The following MS4A4A variants were observed in gnomAD, a reference collection of about 807,000 sequenced individuals.
MS4A4A encodes the protein membrane spanning 4-domains A4A.
MS4A4A carries 26 observed loss-of-function variants against 28.0 expected under a neutral mutation model. The ratio of observed to expected loss-of-function variants is 0.93; its 90% CI spans 0.68 to 1.29. The LOEUF (loss-of-function observed/expected upper bound fraction) is 1.29. Ranked by LOEUF, MS4A4A falls within the 50% of genes most tolerant of loss-of-function variation. The pLI, the probability that MS4A4A is intolerant of heterozygous loss-of-function variation, is 0.00. For synonymous variants in MS4A4A, 86 were observed against 100.8 expected (o/e 0.85, Z 0.88); for missense variants, 290 against 293.1 (o/e 0.99, Z 0.08).
At chr11:60,289,263 C>T (rs905575194) in intron 1 of MS4A4A, among the ~76,000 whole-genome samples, 1 of 152,124 alleles carries the variant, frequency 6.6e-6, no homozygotes, top group Non-Finnish European at 1.5e-5. Context: ...CAGGTAGCTC[C>T]ATCAGCTGAG....
At chr11:60,299,003 T>C (rs2084928168) in intron 3 of MS4A4A, among the ~76,000 whole-genome samples, 2 of 152,230 alleles carry the variant, frequency 1.3e-5, no homozygotes, top group South Asian at 2.1e-4. Flanking sequence ...TGTTTCTGTA[T>C]ATGTTTCACA....
chr11:60,292,115 G>C (rs1010094452), intron 1 of MS4A4A, 110 bp from the exon 2 acceptor site: 1 of 1,306,138 alleles, frequency 7.7e-7, no homozygotes, highest in Non-Finnish European at 1.0e-6. Flanking sequence ...TTATGATATG[G>C]GAAGAGAATG....
At chr11:60,299,397 A>G (rs1366448321) in intron 3 of MS4A4A, among the ~76,000 whole-genome samples, 1 of 152,008 alleles carries the variant, frequency 6.6e-6, no homozygotes, top group Non-Finnish European at 1.5e-5. Flanking sequence ...TAAACATAAT[A>G]AAGACTTTTA....
intron 1 of MS4A4A, among the ~76,000 whole-genome samples, chr11:60,288,352 C>T (rs2084821111): frequency 6.6e-6 from 1 of 152,188 alleles, no homozygotes; most frequent in Non-Finnish European, 1.5e-5. Flanking sequence ...GGGTCTTAGG[C>T]TCAGAGTCTT....
chr11:60,280,698 A>T lies in MS4A4A; in HGVS notation c.23A>T (p.His8Leu). ...TGCATGCATCAGACCTACAGCAGAC[A>T]TTGCAGGCCTGAAGAAAGGTAGGTC... MHQTYSR[H>L]CRPEESTFSA... is the part of the protein sequence containing the mutation. Residue 8 changes from histidine to leucine, a missense_variant, in exon 1 of 7, where the codon CAT becomes CTT. Physicochemically the swap from His to Leu is moderately conservative, Grantham distance 99 (BLOSUM62 -3). Transcript: ENST00000337908. 1 of 1,613,650 alleles carries T rather than the reference A, an allele frequency of 6.2e-7. No individual in the cohort carries two copies. Among genetic ancestry groups the T allele is most frequent in the East Asian group, 2.2e-5 (1 of 44,862 alleles).
At chr11:60,306,574 T>G (rs568913992) in intron 6 of MS4A4A, among the ~76,000 whole-genome samples, 1 of 152,312 alleles carries the variant, frequency 6.6e-6, no homozygotes, top group Non-Finnish European at 1.5e-5. Flanking sequence ...ATAATGCCTT[T>G]CTTGATAAAC....
chr11:60,304,357 T>TGG (rs1234539681), intron 5 of MS4A4A, among the ~76,000 whole-genome samples: 6 of 152,266 alleles, frequency 3.9e-5, no homozygotes, highest in Admixed American at 3.9e-4. Flanking sequence ...AATGCTCTGC[T>TGG]GTTGCTATCT....
intron 1 of MS4A4A, among the ~76,000 whole-genome samples, chr11:60,289,390 G>A (rs180981190): frequency 6.6e-6 from 1 of 152,134 alleles, no homozygotes; most frequent in African/African-American, 2.4e-5. Context: ...AGAAGGCTCT[G>A]CTGACTCAGA....
At chr11:60,306,225 G>T (rs2084999865) in intron 6 of MS4A4A, 24 bp downstream of exon 6, 1 of 1,563,282 alleles carries the variant, frequency 6.4e-7, no homozygotes, top group African/African-American at 1.4e-5. Flanking sequence ...TTCATTTGAA[G>T]ATGACTGTAT....
chr11:60,307,838 C>CTG (rs1269489666), intron 6 of MS4A4A, among the ~76,000 whole-genome samples: 1 of 152,190 alleles, frequency 6.6e-6, no homozygotes, highest in African/African-American at 2.4e-5. Context: ...ACCCAACGTA[C>CTG]TGTGCACTGT....
chr11:60,282,975 T>C (rs997413773), intron 1 of MS4A4A, among the ~76,000 whole-genome samples: 2 of 152,170 alleles, frequency 1.3e-5, no homozygotes, highest in East Asian at 3.8e-4. Context: ...CTGATAAAAA[T>C]AGAATAATGG....
chr11:60,303,984 C>T (rs2084976304), intron 5 of MS4A4A, among the ~76,000 whole-genome samples: 1 of 152,180 alleles, frequency 6.6e-6, no homozygotes, highest in African/African-American at 2.4e-5. Flanking sequence ...AACTAATTTA[C>T]TTCCCTTGAG....
intron 4 of MS4A4A, among the ~76,000 whole-genome samples, 166 bp from the exon 5 acceptor site, chr11:60,302,393 T>C (rs766804926): frequency 1.1e-4 from 17 of 152,196 alleles, no homozygotes; most frequent in Non-Finnish European, 2.2e-4. Context: ...TGTTTGTGTT[T>C]TGCCAAGAGA....
rs117160462 is a variant in MS4A4A at position 60,282,480 on chromosome 11, G to A, written c.41+1764G>A. The A allele has an allele frequency of 5.4e-5, 48 of 893,026 alleles. 1 individual carries two copies. In the East Asian group the frequency reaches 2.7e-3, roughly 49 times the overall value. 55.3% of individuals were successfully genotyped at this position (893,026 alleles called of 1,614,324 possible). ...GTCATAGGCTGACTAATCCACATGT[G>A]GGCAATGGTGGGGAAGTGGGGGAAT... On this transcript the variant is annotated intron_variant, in intron 1 of 6. Transcript: ENST00000337908.
intron 1 of MS4A4A, among the ~76,000 whole-genome samples, chr11:60,286,919 T>TG (rs1198811880): frequency 2.6e-5 from 4 of 152,150 alleles, no homozygotes; most frequent in South Asian, 2.1e-4. Context: ...TTTATTATTT[T>TG]GGGGGGGTTT....
In MS4A4A at chr11:60,308,475, C is replaced by A. The variant is rs1277870044; in HGVS notation, c.*297C>A. ...GAGGCAACAGCACTTGAAAGTTTTT[C>A]ATTCATCATAAGAACTTTATATAAA... On this transcript the variant is annotated 3_prime_UTR_variant, in exon 7 of 7. Coordinates refer to ENST00000337908, the MANE Select transcript of MS4A4A (RefSeq NM_148975.3). The A allele has an allele frequency of 3.6e-5, 11 of 305,204 alleles. No homozygotes were observed. Among genetic ancestry groups the A allele is most frequent in the Non-Finnish European group, 6.0e-5 (10 of 167,668 alleles). The allele number at this position is 305,204 out of a possible 1,614,324, so 18.9% of individuals were successfully genotyped here. A position where few individuals can be genotyped will look rare whatever the true frequency, so the allele number is the denominator to read the frequency against.
In MS4A4A at chr11:60,302,555, C is replaced by G; in HGVS notation, c.388-4C>G. 1 of 1,613,116 alleles carries G rather than the reference C, an allele frequency of 6.2e-7. No individual in the cohort carries two copies. Among genetic ancestry groups the G allele is most frequent in the Admixed American group, 1.7e-5 (1 of 59,834 alleles). Reference sequence around the variant, plus strand: ...TTGTTTAATTGATTTTCATTCCTTTCTAGGTCCGAGGTAGTCTAGGAATGA... The same window carrying G: ...TTGTTTAATTGATTTTCATTCCTTTGTAGGTCCGAGGTAGTCTAGGAATGA... On this transcript the variant is annotated splice_polypyrimidine_tract_variant and splice_region_variant and intron_variant, in intron 4 of 6. Transcript: ENST00000337908.
intron 1 of MS4A4A, among the ~76,000 whole-genome samples, chr11:60,289,608 TG>T: frequency 6.7e-6 from 1 of 150,236 alleles, no homozygotes; most frequent in East Asian, 1.9e-4. Context: ...TGTGTGTGTG[TG>T]TGTGTGTGTG....
At chr11:60,287,895 G>A (rs886942194) in intron 1 of MS4A4A, among the ~76,000 whole-genome samples, 1 of 152,180 alleles carries the variant, frequency 6.6e-6, no homozygotes, top group Non-Finnish European at 1.5e-5. Flanking sequence ...ACAGCATTAA[G>A]CTTTAAATCT....
Sources: gnomAD v4.1 joint callset for allele counts (sites outside exome capture counted in the v4.1 genomes callset) on GRCh38, gnomAD v4.1.1 for gene constraint, MANE v1.5 for transcripts, NCBI Gene and HGNC (gene_info 2026-07-23, HGNC 2026-07-21) for gene names.